NGF: variants seen among roughly 807,000 people sequenced by gnomAD.
NGF encodes the protein nerve growth factor, also known as beta-nerve growth factor.
In NGF, 4 loss-of-function variants were observed where a neutral mutation model predicts 12.8. The observed-to-expected ratio is 0.31, with a 90% CI of 0.15 to 0.72. NGF has a LOEUF of 0.72. Among genes scored for constraint, NGF ranks in the 30% least tolerant of loss-of-function variants. The pLI is 0.69. For synonymous variants in NGF, 140 were observed against 130.0 expected, an observed-to-expected ratio of 1.08 and a Z score of -0.52; for missense variants, 283 against 330.8, an observed-to-expected ratio of 0.86 and a Z score of 1.12.
chr1:115,308,934 T>A (rs568427545), intron 1 of NGF, among the ~76,000 whole-genome samples: 1 of 152,306 alleles, frequency 6.6e-6, no homozygotes, highest in Admixed American at 6.5e-5. Context: ...AGATTTGTGT[T>A]TTTAAAAGGT....
At chr1:115,296,187 G>A (rs377355424) in intron 1 of NGF, among the ~76,000 whole-genome samples, 3 of 152,246 alleles carry the variant, frequency 2.0e-5, no homozygotes, top group East Asian at 3.9e-4. Context: ...ACTGGGTGGA[G>A]GTCCACCATG....
At chr1:115,318,000 T>G (rs1183250843) in intron 1 of NGF, among the ~76,000 whole-genome samples, 1 of 152,254 alleles carries the variant, frequency 6.6e-6, no homozygotes, top group East Asian at 1.9e-4. Flanking sequence ...ATATTGGTCT[T>G]CACCTTTCCC....
Position 115,287,586 on chromosome 1 carries a change from G to A in NGF, c.-12-779C>T, listed in dbSNP as rs1463261767. 2.0e-5 allele frequency among the ~76,000 whole-genome samples: 3 copies of A among 152,060 alleles called. 1 individual carries two copies. The highest frequency in any genetic ancestry group is 7.2e-5 in the African/African-American group (3 of 41,400). ...TTTATCATATTTATTTCACATATAA[G>A]GAAACTGATTCACAGAAAATGAACT... On this transcript the variant is annotated intron_variant, in intron 2 of 2. Transcript: ENST00000369512.
intron 1 of NGF, among the ~76,000 whole-genome samples, chr1:115,333,665 CTTTCTTT>C: frequency 2.4e-5 from 1 of 42,280 alleles, no homozygotes; most frequent in Non-Finnish European, 3.7e-5. Flanking sequence ...CTCTTTCTTT[CTTTCTTT>C]CTTTCTTTCT....
In NGF at chr1:115,286,760, A is replaced by G; in HGVS notation, c.36T>C (p.Phe12=). The G allele has an allele frequency of 6.2e-7, 1 of 1,614,182 alleles. No individual in the cohort carries two copies. Among genetic ancestry groups the G allele is most frequent in the Non-Finnish European group, 8.5e-7 (1 of 1,180,032 alleles). The change falls in exon 3 of 3, where the codon TTT becomes TTC. Residue 12 remains phenylalanine (F), a synonymous_variant. Coordinates refer to ENST00000369512, the MANE Select transcript of NGF (RefSeq NM_002506.3). ...SMLFYTLITA[F]LIGIQAEPHS... Reference sequence around the variant, plus strand: ...GTGGTTCCGCCTGTATGCCGATCAGAAAAGCTGTGATCAGAGTGTAGAACA... The same window carrying G: ...GTGGTTCCGCCTGTATGCCGATCAGGAAAGCTGTGATCAGAGTGTAGAACA...
intron 2 of NGF, among the ~76,000 whole-genome samples, chr1:115,288,116 C>T (rs765594617): frequency 6.6e-5 from 10 of 152,300 alleles, no homozygotes; most frequent in East Asian, 1.9e-4. Flanking sequence ...ACCTAGTCCT[C>T]GAAGCCTTCT....
chr1:115,330,077 G>T (rs1393134326), intron 1 of NGF, among the ~76,000 whole-genome samples: 1 of 152,074 alleles, frequency 6.6e-6, no homozygotes, highest in African/African-American at 2.4e-5. Flanking sequence ...AACATTTTCT[G>T]TTCTCTGCTC....
intron 1 of NGF, among the ~76,000 whole-genome samples, chr1:115,320,026 T>C (rs962266617): frequency 6.6e-6 from 1 of 152,196 alleles, no homozygotes; most frequent in Non-Finnish European, 1.5e-5. Flanking sequence ...AGAATCCAGA[T>C]GGCCCAGGGT....
intron 2 of NGF, among the ~76,000 whole-genome samples, chr1:115,287,792 G>A (rs1254448284): frequency 4.6e-5 from 7 of 151,830 alleles, no homozygotes; most frequent in Non-Finnish European, 1.0e-4. Context: ...AGATCAAATG[G>A]TATGGCTCTA....
At chr1:115,309,800 T>C (rs1421005895) in intron 1 of NGF, among the ~76,000 whole-genome samples, 1 of 152,254 alleles carries the variant, frequency 6.6e-6, no homozygotes, top group Non-Finnish European at 1.5e-5. Flanking sequence ...CTCAGCAAAC[T>C]ATGGATAGCT....
At chr1:115,302,609 G>A (rs563281568) in intron 1 of NGF, among the ~76,000 whole-genome samples, 1 of 152,350 alleles carries the variant, frequency 6.6e-6, no homozygotes, top group Non-Finnish European at 1.5e-5. Flanking sequence ...CTTTCTTTGT[G>A]AATCAGCCGA....
chr1:115,298,571 G>A (rs946422453), intron 1 of NGF, among the ~76,000 whole-genome samples: 6 of 151,984 alleles, frequency 3.9e-5, no homozygotes, highest in Admixed American at 3.9e-4. Flanking sequence ...GAAACTAGGA[G>A]AAAGGGGGCT....
At chr1:115,300,674 A>C (rs186640933) in intron 1 of NGF, among the ~76,000 whole-genome samples, 41 of 152,314 alleles carry the variant, frequency 2.7e-4, no homozygotes, top group Non-Finnish European at 5.6e-4. Context: ...ACACCCAGAA[A>C]ATCTGACTCA....
Position 115,319,946 on chromosome 1 carries a change from C to T in NGF, c.-137+18258G>A, listed in dbSNP as rs187946489. Among the ~76,000 whole-genome samples, 72 of 152,212 alleles carry T rather than the reference C, an allele frequency of 4.7e-4. 1 individual carries two copies. The highest frequency in any genetic ancestry group is 4.4e-3 in the Admixed American group (67 of 15,302). On this transcript the variant is annotated intron_variant, in intron 1 of 2. Transcript: ENST00000369512. ...ATATCATTAGATGGCAAGGGGGTGG[C>T]GAAGACCACAAGAACAGGCTCTTTC...
intron 1 of NGF, among the ~76,000 whole-genome samples, chr1:115,337,227 C>T (rs115293259): frequency 1.5e-3 from 211 of 142,808 alleles, no homozygotes; most frequent in African/African-American, 5.4e-3. Flanking sequence ...GCACGAAACA[C>T]CTTCCTTAAG....
chr1:115,304,341 T>TTTTTTTTTTTTTTC (rs1654137489), intron 1 of NGF, among the ~76,000 whole-genome samples: 1 of 134,338 alleles, frequency 7.4e-6, no homozygotes, highest in Non-Finnish European at 1.6e-5. Context: ...TTTTTTTTTT[T>TTTTTTTTTTTTTTC]TTTTGTATTT....
At chr1:115,303,434 C>T (rs372235904) in intron 1 of NGF, among the ~76,000 whole-genome samples, 14 of 152,066 alleles carry the variant, frequency 9.2e-5, no homozygotes, top group Non-Finnish European at 1.9e-4. Context: ...ACTACCATCA[C>T]CTCCTCCAAC....
chr1:115,331,934 C>T (rs1237060184), intron 1 of NGF, among the ~76,000 whole-genome samples: 2 of 152,212 alleles, frequency 1.3e-5, no homozygotes, highest in African/African-American at 4.8e-5. Context: ...TGGGCCCCCT[C>T]CCCTGTGGGG....
intron 1 of NGF, among the ~76,000 whole-genome samples, chr1:115,300,582 C>T (rs1179122966): frequency 6.6e-6 from 1 of 152,228 alleles, no homozygotes; most frequent in African/African-American, 2.4e-5. Context: ...CACTCCACAC[C>T]ACTCTGGAGT....
Sources: gnomAD v4.1 joint callset for allele counts (sites outside exome capture counted in the v4.1 genomes callset) on GRCh38, gnomAD v4.1.1 for gene constraint, MANE v1.5 for transcripts, NCBI Gene and HGNC (gene_info 2026-07-23, HGNC 2026-07-21) for gene names.